The following AGBL4 variants were observed in gnomAD, a reference collection of about 807,000 sequenced individuals.
AGBL4 encodes cytosolic carboxypeptidase 6.
A neutral mutation model predicts 66.4 loss-of-function variants in AGBL4; 58 were observed. That is an observed-to-expected ratio of 0.87 (90% confidence interval 0.71 to 1.09). The LOEUF (loss-of-function observed/expected upper bound fraction) is 1.09. Ranked by LOEUF, AGBL4 falls within the 50% of genes least tolerant of loss-of-function variation. The probability of loss-of-function intolerance (pLI) is 0.00; values close to 1 mark genes in which losing one functional copy is unlikely to be tolerated. For missense variants in AGBL4, 579 were observed against 631.0 expected, an observed-to-expected ratio of 0.92 and a Z score of 0.88; for synonymous variants, 234 against 222.9, an observed-to-expected ratio of 1.05 and a Z score of -0.44.
At chr1:49,347,703 C>CA (rs946351557) in intron 3 of AGBL4, among the ~76,000 whole-genome samples, 2 of 150,742 alleles carry the variant, frequency 1.3e-5, no homozygotes, top group Non-Finnish European at 1.5e-5. Context: ...ACTAAAAATA[C>CA]AAAAAAATTA....
intron 5 of AGBL4, among the ~76,000 whole-genome samples, chr1:48,901,915 T>C (rs1652117815): frequency 1.3e-5 from 2 of 152,218 alleles, no homozygotes; most frequent in Non-Finnish European, 2.9e-5. Flanking sequence ...AAGAAGTTTG[T>C]TGGGCTTACA....
intron 2 of AGBL4, among the ~76,000 whole-genome samples, chr1:49,765,118 A>T (rs886356124): frequency 6.6e-6 from 1 of 152,108 alleles, no homozygotes; most frequent in African/African-American, 2.4e-5. Context: ...AGCATTGCCC[A>T]GCTGTGTCCC....
intron 6 of AGBL4, among the ~76,000 whole-genome samples, chr1:48,676,488 C>T (rs1646367408): frequency 1.3e-5 from 2 of 152,240 alleles, no homozygotes; most frequent in African/African-American, 4.8e-5. Flanking sequence ...CAGACTGTCT[C>T]ACAGGAACGC....
intron 9 of AGBL4, among the ~76,000 whole-genome samples, chr1:48,629,063 A>G (rs1414396982): frequency 6.6e-6 from 1 of 152,042 alleles, no homozygotes; most frequent in Admixed American, 6.6e-5. Context: ...CAGTCAATTA[A>G]CTGAGGATTT....
intron 5 of AGBL4, among the ~76,000 whole-genome samples, chr1:48,910,148 C>T (rs2148879717): frequency 6.6e-6 from 1 of 152,318 alleles, no homozygotes; most frequent in South Asian, 2.1e-4. Context: ...CCTTGTGACA[C>T]ATACCAAGAA....
chr1:50,011,285 T>G (rs1219173693), intron 1 of AGBL4, among the ~76,000 whole-genome samples: 1 of 152,146 alleles, frequency 6.6e-6, no homozygotes, highest in Non-Finnish European at 1.5e-5. Flanking sequence ...TACGAAAAGG[T>G]GTTTGACATC....
intron 3 of AGBL4, among the ~76,000 whole-genome samples, chr1:49,547,135 A>G (rs144608225): frequency 6.6e-6 from 1 of 152,178 alleles, no homozygotes; most frequent in Admixed American, 6.5e-5. Context: ...TCATAGTTTC[A>G]TGTCTTAGAT....
At chr1:49,679,889 AC>A (rs1646654845) in intron 3 of AGBL4, among the ~76,000 whole-genome samples, 1 of 152,244 alleles carries the variant, frequency 6.6e-6, no homozygotes, top group African/African-American at 2.4e-5. Context: ...TAACACAATT[AC>A]CTTAAATATT....
At chr1:49,554,604 A>T (rs1302051186) in intron 3 of AGBL4, among the ~76,000 whole-genome samples, 1 of 152,224 alleles carries the variant, frequency 6.6e-6, no homozygotes, top group African/African-American at 2.4e-5. Context: ...GGAGGCAGAG[A>T]AAGAGCAAAG....
At chr1:48,869,313 C>A (rs984127494) in intron 5 of AGBL4, among the ~76,000 whole-genome samples, 9 of 152,194 alleles carry the variant, frequency 5.9e-5, no homozygotes, top group Admixed American at 3.3e-4. Context: ...TGGAGCCAGA[C>A]CTTCTTCCTT....
At chr1:48,601,304 A>G (rs1645069820) in intron 9 of AGBL4, among the ~76,000 whole-genome samples, 1 of 152,242 alleles carries the variant, frequency 6.6e-6, no homozygotes, top group Non-Finnish European at 1.5e-5. Flanking sequence ...ACTGTCATAG[A>G]GGTAAATGAA....
intron 3 of AGBL4, among the ~76,000 whole-genome samples, chr1:49,380,666 A>G (rs1644582962): frequency 6.6e-6 from 1 of 152,192 alleles, no homozygotes; most frequent in Non-Finnish European, 1.5e-5. Context: ...AATGGAACAG[A>G]ACAGAGCCCT....
chr1:49,308,728 T>A (rs191383912), intron 3 of AGBL4, among the ~76,000 whole-genome samples: 1 of 152,062 alleles, frequency 6.6e-6, no homozygotes, highest in African/African-American at 2.4e-5. Flanking sequence ...TGGAACAGAA[T>A]GAGAAAAGGC....
chr1:48,739,816 G>A (rs542415116), intron 6 of AGBL4, among the ~76,000 whole-genome samples: 9 of 152,258 alleles, frequency 5.9e-5, no homozygotes, highest in African/African-American at 2.2e-4. Flanking sequence ...TTTTCCCTAC[G>A]TTTTCTTAAG....
chr1:49,055,469 T>A (rs951256359), intron 4 of AGBL4, among the ~76,000 whole-genome samples: 1 of 152,070 alleles, frequency 6.6e-6, no homozygotes, highest in South Asian at 2.1e-4. Context: ...GCCTTTTTAA[T>A]TTAAGTATAG....
At chr1:49,483,604 A>G (rs1052789635) in intron 3 of AGBL4, among the ~76,000 whole-genome samples, 1 of 152,050 alleles carries the variant, frequency 6.6e-6, no homozygotes, top group Non-Finnish European at 1.5e-5. Context: ...ATCAAATCAA[A>G]GTGGATTAAA....
At chr1:49,228,144 A>G (rs1266214762) in intron 4 of AGBL4, among the ~76,000 whole-genome samples, 5 of 152,238 alleles carry the variant, frequency 3.3e-5, no homozygotes, top group Non-Finnish European at 7.3e-5. Flanking sequence ...CTTTATGTGT[A>G]TAAAATACCT....
At chr1:49,189,263 C>T (rs754275207) in intron 4 of AGBL4, among the ~76,000 whole-genome samples, 31 of 152,118 alleles carry the variant, frequency 2.0e-4, no homozygotes, top group Admixed American at 3.9e-4. Context: ...AATCTTTCTC[C>T]TCTTATAGTT....
chr1:49,740,621 C>A (rs1197045305), intron 2 of AGBL4, among the ~76,000 whole-genome samples: 1 of 152,162 alleles, frequency 6.6e-6, no homozygotes, highest in East Asian at 1.9e-4. Context: ...CACACCACAC[C>A]TATTCCAAAA....
Sources: allele counts gnomAD v4.1 joint callset (sites outside exome capture counted in the v4.1 genomes callset), GRCh38; gene constraint gnomAD v4.1.1; transcripts MANE v1.5; gene names NCBI Gene and HGNC (gene_info 2026-07-23, HGNC 2026-07-21).